Variants in ACP5 observed in about 807,000 individuals in gnomAD.
ACP5 encodes the protein acid phosphatase 5, tartrate resistant, also known as tartrate-resistant acid phosphatase type 5.
ACP5 carries 24 observed loss-of-function variants against 28.7 expected under a neutral mutation model. The ratio of observed to expected loss-of-function variants is 0.84; its 90% CI spans 0.61 to 1.18. The LOEUF is 1.18. Among genes scored for constraint, ACP5 ranks in the 50% most tolerant of loss-of-function variants. ACP5 has a pLI of 0.00. For synonymous variants in ACP5, 154 were observed against 181.4 expected, an observed-to-expected ratio of 0.85 and a Z score of 1.21; for missense variants, 354 against 422.2, an observed-to-expected ratio of 0.84 and a Z score of 1.42.
chr19:11,576,125 T>G (rs1973136511), intron 4 of ACP5, 118 bp downstream of exon 4: 1 of 809,280 alleles, frequency 1.2e-6, no homozygotes, highest in African/African-American at 1.7e-5. Context: ...AGGGACAGTC[T>G]AGACATTCTG....
At position 11,574,919 on chromosome 19, in the gene ACP5, G is replaced by T. The variant is rs1289319409; in HGVS notation, c.*91C>A. The T allele has an allele frequency of 2.0e-6, 3 of 1,476,506 alleles. No individual in the cohort carries two copies. The highest frequency in any genetic ancestry group is 2.8e-6 in the Non-Finnish European group (3 of 1,060,654). 91.5% of individuals were successfully genotyped at this position (1,476,506 alleles called of 1,614,324 possible). On this transcript the variant is annotated 3_prime_UTR_variant, in exon 5 of 5. Transcript: ENST00000648477. ...CTGCCCTGCTGCAGCGCCACAGGTT[G>T]GAGGAAAAGCCTGCCTGTGAGCAGG...
chr19:11,576,778 T>C lies in ACP5; in HGVS notation c.327A>G (p.Gly109=), dbSNP rs1973176548. 1.2e-6 allele frequency: 2 copies of C among 1,613,954 alleles called. No homozygotes were observed. The highest frequency in any genetic ancestry group is 1.3e-5 in the African/African-American group (1 of 74,882). Residue 109 remains glycine, a synonymous_variant, in exon 3 of 5, where the codon GGA becomes GGG. Transcript: ENST00000648477. The part of the protein sequence containing the change: ...LRKVPWYVLA[G]NHDHLGNVSA... ...AGACATTGCCAAGGTGGTCATGGTT[T>C]CCGGCTAGCACGTACCAGGGCACTT...
At chr19:11,575,509 G>A (rs1973101360) in intron 4 of ACP5, 4 of 489,102 alleles carry the variant, frequency 8.2e-6, no homozygotes, top group Middle Eastern at 5.7e-4. Flanking sequence ...GATTGCTTGA[G>A]CCCAGGAATT....
At chr19:11,576,034 A>AAAGCTT in intron 4 of ACP5, among the ~76,000 whole-genome samples, 1 of 149,610 alleles carries the variant, frequency 6.7e-6, no homozygotes, top group Non-Finnish European at 1.5e-5. Flanking sequence ...AGAGCTTAAA[A>AAAGCTT]AAGAAAGAAA....
At position 11,577,308 on chromosome 19, in the gene ACP5, A is replaced by G; in HGVS notation, c.10T>C (p.Trp4Arg). 6.2e-7 allele frequency: 1 copy of G among 1,613,916 alleles called. No homozygotes were observed. Among genetic ancestry groups the G allele is most frequent in the South Asian group, 1.1e-5 (1 of 91,060 alleles). ...GCTTGCAGGATGAGCAGCGCCGTCC[A>G]CATGTCCATCTGGGAGAAGAGAGAC... is the stretch of plus-strand genomic sequence containing the variant. MDM[W>R]TALLILQALL... The change falls in exon 2 of 5, where the codon TGG becomes CGG. Residue 4 changes from tryptophan to arginine, a missense_variant. Trp to Arg is a moderately radical substitution (Grantham distance 101). Transcript: ENST00000648477. This position sits in a 1 kb window ranked among gnomAD's most constrained non-coding sequence, Gnocchi z 5.7.
upstream of ACP5, chr19:11,577,768 G>C: frequency 3.7e-6 from 1 of 268,850 alleles, no homozygotes; most frequent in Non-Finnish European, 7.4e-6. The surrounding 1 kb of genome is among the most constrained non-coding windows in gnomAD (Gnocchi z 5.7). Context: ...GTGAGCCCTG[G>C]ACTTCCCTGG....
intron 4 of ACP5, 60 bp from the exon 5 acceptor site, chr19:11,575,312 G>T (rs1446794912): frequency 5.0e-6 from 8 of 1,605,198 alleles, no homozygotes; most frequent in Non-Finnish European, 4.3e-6. Flanking sequence ...CCTGCCTAAG[G>T]TCCAGGGCTC....
chr19:11,576,597 G>C lies in ACP5; in HGVS notation c.390-9C>G. 3 of 1,613,772 alleles carry C rather than the reference G, an allele frequency of 1.9e-6. No homozygotes were observed. The highest frequency in any genetic ancestry group is 2.5e-6 in the Non-Finnish European group (3 of 1,179,760). ...AAGGGCTGGGGAAGTTCCTGTGGAG[G>C]GGATAGAGGTCGTGGGTGCACATCT... On this transcript the variant is annotated splice_polypyrimidine_tract_variant and intron_variant, in intron 3 of 4. Transcript: ENST00000648477.
At position 11,575,029 on chromosome 19, in the gene ACP5, G is replaced by T. The variant is rs745604493; in HGVS notation, c.959C>A (p.Pro320Gln). ...GGGAGTTCAGGGCCTGGCTCGCCTC[G>T]GCAGCCTGGTCTTAAAGAGGGACTT... ...SGKSLFKTRL[P>Q]RRARP Residue 320 changes from proline (P) to glutamine (Q), a missense_variant, in exon 5 of 5, where the codon CCG (proline) becomes CAG (glutamine). Physicochemically the swap from Pro to Gln is moderately conservative, Grantham distance 76. Transcript: ENST00000648477. 1.9e-6 allele frequency: 3 copies of T among 1,614,112 alleles called. No individual in the cohort carries two copies. The highest frequency in any genetic ancestry group is 2.5e-6 in the Non-Finnish European group (3 of 1,180,040).
upstream of ACP5, chr19:11,577,681 T>C (rs1023572946): frequency 2.1e-5 from 8 of 383,810 alleles, no homozygotes; most frequent in Admixed American, 3.0e-4. This position sits in a 1 kb window ranked among gnomAD's most constrained non-coding sequence, Gnocchi z 5.7. Flanking sequence ...CTTTATTCCC[T>C]GAGGAGGAAG....
chr19:11,577,744 T>G, upstream of ACP5: 2 of 262,800 alleles, frequency 7.6e-6, no homozygotes, highest in South Asian at 4.2e-5. The surrounding 1 kb of genome is among the most constrained non-coding windows in gnomAD (Gnocchi z 5.7). Context: ...CCGGGAGCCC[T>G]CCCCTTGGGT....
rs754135147 is a variant in ACP5 at position 11,576,605 on chromosome 19, G to C, written c.390-17C>G. 5.6e-6 allele frequency: 9 copies of C among 1,613,586 alleles called. No homozygotes were observed. On this transcript the variant is annotated splice_polypyrimidine_tract_variant and intron_variant, in intron 3 of 4. Coordinates refer to ENST00000648477, the MANE Select transcript of ACP5 (RefSeq NM_001611.5). ...GGGAAGTTCCTGTGGAGGGGATAGA[G>C]GTCGTGGGTGCACATCTTGGGCGCA...
At position 11,576,285 on chromosome 19, in the gene ACP5, G is replaced by T; in HGVS notation, c.693C>A (p.Tyr231Ter). ...VKQLRPLLAT[Y>*]GVTAYLCGHD... ...GGCCGCACAGGTAGGCAGTGACCCC[G>T]TATGTGGCCAGCAGTGGCCGTAGCT... Residue 231 changes from tyrosine (Y) to a stop codon, truncating the protein, a stop_gained, in exon 4 of 5, where the codon TAC (tyrosine) becomes TAA (stop). Transcript: ENST00000648477. LOFTEE classifies it high-confidence loss of function. 6.2e-7 allele frequency: 1 copy of T among 1,610,394 alleles called. No homozygotes were observed.
In ACP5 at chr19:11,575,115, GCC is replaced by G; in HGVS notation, c.871_872del (p.Gly291LeufsTer25). 5 of 1,614,216 alleles carry G rather than the reference GCC, an allele frequency of 3.1e-6. No individual in the cohort carries two copies. Among genetic ancestry groups the G allele is most frequent in the Non-Finnish European group, 3.4e-6 (4 of 1,180,044 alleles). ...TGGAGCTGATCTCCACATAGGCAAAGCCACCCAGTGAGTCTTCAGTCCCATAG... is the reference window on the plus strand; with the variant it reads ...TGGAGCTGATCTCCACATAGGCAAAGACCCAGTGAGTCTTCAGTCCCATAG... The part of the protein sequence containing the change: ...FHYGTEDSLG[G>X]FAYVEISSKE... On this transcript the variant is annotated frameshift_variant, in exon 5 of 5. Transcript: ENST00000648477. LOFTEE classifies it high-confidence loss of function.
intron 4 of ACP5, 174 bp from the exon 5 acceptor site, chr19:11,575,426 T>C: frequency 2.6e-6 from 2 of 772,292 alleles, no homozygotes; most frequent in Non-Finnish European, 2.1e-6. Flanking sequence ...GGTAGAGCAC[T>C]TAGTAAGAAA....
In ACP5 at chr19:11,574,975, G is replaced by A; in HGVS notation, c.*35C>T. ...GGCAGGGCCCACCCACCCAACAGTG[G>A]AGATCGGGCCTCAGAGCTGGGCAGT... is the stretch of plus-strand genomic sequence containing the variant. On this transcript the variant is annotated 3_prime_UTR_variant, in exon 5 of 5. Transcript: ENST00000648477. 2 of 1,613,416 alleles carry A rather than the reference G, an allele frequency of 1.2e-6. No homozygotes were observed. The highest frequency in any genetic ancestry group is 1.7e-6 in the Non-Finnish European group (2 of 1,179,762).
chr19:11,578,676 G>T (rs1973266032), upstream of ACP5: 1 of 152,326 alleles, frequency 6.6e-6, no homozygotes, highest in Admixed American at 6.5e-5. Context: ...GCGGACCCGG[G>T]AGAGAGCTCT....
At chr19:11,576,879 G>C in intron 2 of ACP5, 36 bp from the exon 3 acceptor site, 1 of 1,613,800 alleles carries the variant, frequency 6.2e-7, no homozygotes, top group Non-Finnish European at 8.5e-7. Flanking sequence ...TCTTCCCTGG[G>C]GTCAGTGGCT....
Position 11,576,706 on chromosome 19 carries a change from G to A in ACP5, c.389+10C>T, listed in dbSNP as rs1438141768. Reference sequence around the variant, plus strand: ...GAGGATCTCGGAAGGCAGGGCTGAGGGTGGCTCACCAGCGCTTGGAGATCT... The same window carrying A: ...GAGGATCTCGGAAGGCAGGGCTGAGAGTGGCTCACCAGCGCTTGGAGATCT... On this transcript the variant is annotated intron_variant, in intron 3 of 4. Coordinates refer to ENST00000648477, the MANE Select transcript of ACP5 (RefSeq NM_001611.5). 2 of 1,613,412 alleles carry A rather than the reference G, an allele frequency of 1.2e-6. No individual in the cohort carries two copies. The highest frequency in any genetic ancestry group is 2.7e-5 in the African/African-American group (2 of 74,776).
Sources: allele counts gnomAD v4.1 joint callset (sites outside exome capture counted in the v4.1 genomes callset), GRCh38; gene constraint gnomAD v4.1.1; non-coding constraint Gnocchi (gnomAD v3.1); transcripts MANE v1.5; gene names NCBI Gene and HGNC (gene_info 2026-07-23, HGNC 2026-07-21).